Variants in ATRNL1 observed in about 807,000 individuals in gnomAD.
ATRNL1 encodes attractin-like protein 1.
ATRNL1 carries 95 observed loss-of-function variants against 182.7 expected under a neutral mutation model. The observed-to-expected ratio is 0.52, with a 90% CI of 0.44 to 0.62. The LOEUF is 0.62. Among genes scored for constraint, ATRNL1 ranks in the 20% least tolerant of loss-of-function variants. The pLI is 0.00. For synonymous variants in ATRNL1, 576 were observed against 568.3 expected (o/e 1.01, Z -0.19); for missense variants, 1,471 against 1,679.5 (o/e 0.88, Z 2.17).
intron 26 of ATRNL1, among the ~76,000 whole-genome samples, chr10:115,659,670 G>A (rs1432873711): frequency 3.3e-5 from 5 of 152,070 alleles, no homozygotes; most frequent in Non-Finnish European, 5.9e-5. Flanking sequence ...ATAGTGCTAT[G>A]GAACTTCATA....
intron 26 of ATRNL1, among the ~76,000 whole-genome samples, chr10:115,681,844 G>C (rs539882388): frequency 6.6e-6 from 1 of 152,180 alleles, no homozygotes; most frequent in East Asian, 1.9e-4. Context: ...ACTGCTCTTG[G>C]TTATATTGGT....
At chr10:115,595,106 C>T (rs1856154845) in intron 26 of ATRNL1, among the ~76,000 whole-genome samples, 1 of 152,142 alleles carries the variant, frequency 6.6e-6, no homozygotes, top group Non-Finnish European at 1.5e-5. Context: ...ACAGAAGATC[C>T]ACTAAGTCTC....
intron 13 of ATRNL1, among the ~76,000 whole-genome samples, chr10:115,278,223 G>A (rs1271581199): frequency 1.3e-5 from 2 of 152,144 alleles, no homozygotes; most frequent in Non-Finnish European, 2.9e-5. Context: ...TTCATTAGAT[G>A]GTGCCTGTTT....
chr10:115,519,296 C>A lies in ATRNL1; in HGVS notation c.3688C>A (p.Leu1230Ile). Residue 1230 changes from leucine to isoleucine, a missense_variant, in exon 25 of 29, where the codon CTT becomes ATT. Coordinates refer to ENST00000355044, the MANE Select transcript of ATRNL1 (RefSeq NM_207303.4). Reference sequence around the variant, plus strand: ...CTCACAACACAATACAATCATGGACCTTGTGCAGTTTTTTGTCACCTTCTT... The same window carrying A: ...CTCACAACACAATACAATCATGGACATTGTGCAGTTTTTTGTCACCTTCTT... ...AFSQHNTIMD[L>I]VQFFVTFFSC... is the part of the protein sequence containing the mutation. 6.2e-7 allele frequency: 1 copy of A among 1,610,212 alleles called. No homozygotes were observed. Among genetic ancestry groups the A allele is most frequent in the Non-Finnish European group, 8.5e-7 (1 of 1,178,516 alleles).
At chr10:115,593,567 A>G (rs1856042134) in intron 26 of ATRNL1, among the ~76,000 whole-genome samples, 1 of 152,162 alleles carries the variant, frequency 6.6e-6, no homozygotes, top group African/African-American at 2.4e-5. Flanking sequence ...CTGGACTCTT[A>G]TTTTATCACT....
Position 115,519,467 on chromosome 10 carries a change from A to G in ATRNL1, c.3716+143A>G, listed in dbSNP as rs1379494282. 1.8e-5 allele frequency: 12 copies of G among 684,386 alleles called. No homozygotes were observed. In the African/African-American group the frequency reaches 1.9e-4, roughly 11 times the overall value. The allele number at this position is 684,386 out of a possible 1,614,324, so 42.4% of individuals were successfully genotyped here. On this transcript the variant is annotated intron_variant, in intron 25 of 28. Coordinates refer to ENST00000355044, the MANE Select transcript of ATRNL1 (RefSeq NM_207303.4). The stretch of plus-strand genomic sequence containing the variant: ...TGAATAGCTTTATATGCTTAAATAT[A>G]TCCCACAGAGGAGAGGTAACATAGC...
chr10:115,719,853 C>A (rs1428992379), intron 26 of ATRNL1, among the ~76,000 whole-genome samples: 2 of 145,982 alleles, frequency 1.4e-5, no homozygotes, highest in African/African-American at 5.0e-5. Flanking sequence ...TCCACCCCCC[C>A]ACACACTCTT....
chr10:115,408,228 C>T (rs563729177), intron 20 of ATRNL1, among the ~76,000 whole-genome samples: 3 of 151,848 alleles, frequency 2.0e-5, no homozygotes, highest in East Asian at 1.9e-4. Flanking sequence ...TGGTCTCGAT[C>T]TCCTGACCTC....
intron 25 of ATRNL1, among the ~76,000 whole-genome samples, chr10:115,527,420 C>A (rs1375436926): frequency 6.6e-6 from 1 of 152,098 alleles, no homozygotes; most frequent in African/African-American, 2.4e-5. Context: ...TGTCCCCAGC[C>A]AGAGAAGTAT....
intron 21 of ATRNL1, among the ~76,000 whole-genome samples, chr10:115,444,421 C>T (rs1846855990): frequency 6.6e-6 from 1 of 151,916 alleles, no homozygotes; most frequent in Non-Finnish European, 1.5e-5. Flanking sequence ...TATCTGGCTA[C>T]ATTACTGAAT....
chr10:115,464,239 A>T (rs1847947204), intron 22 of ATRNL1, among the ~76,000 whole-genome samples: 1 of 152,040 alleles, frequency 6.6e-6, no homozygotes, highest in Non-Finnish European at 1.5e-5. Context: ...ACCTGGGAAT[A>T]ATCTCTGAAA....
intron 20 of ATRNL1, among the ~76,000 whole-genome samples, chr10:115,399,277 T>C (rs1414969886): frequency 2.6e-5 from 4 of 151,836 alleles, no homozygotes; most frequent in Admixed American, 6.6e-5. Flanking sequence ...GTATATCTGG[T>C]AGAATTCATC....
intron 27 of ATRNL1, among the ~76,000 whole-genome samples, chr10:115,751,064 T>C (rs141890937): frequency 6.6e-6 from 1 of 152,072 alleles, no homozygotes; most frequent in East Asian, 1.9e-4. Flanking sequence ...AGATGAAGAT[T>C]ATCCTGGATT....
intron 5 of ATRNL1, among the ~76,000 whole-genome samples, chr10:115,153,775 T>G (rs1846364686): frequency 6.6e-6 from 1 of 152,198 alleles, no homozygotes; most frequent in Admixed American, 6.5e-5. Context: ...TGAATGTGTT[T>G]GCTCTTGCTT....
At chr10:115,154,862 C>T (rs1317940237) in intron 5 of ATRNL1, among the ~76,000 whole-genome samples, 1 of 152,160 alleles carries the variant, frequency 6.6e-6, no homozygotes. Flanking sequence ...AAGACAGGCA[C>T]TCTTAGACTG....
intron 3 of ATRNL1, 85 bp from the exon 4 acceptor site, chr10:115,127,508 G>T (rs1409817405): frequency 7.0e-6 from 8 of 1,142,422 alleles, no homozygotes; most frequent in Non-Finnish European, 9.8e-6. Context: ...ACTGATCCTG[G>T]TAAGAATATT....
chr10:115,296,167 T>G (rs1363238866), intron 15 of ATRNL1, among the ~76,000 whole-genome samples: 1 of 152,152 alleles, frequency 6.6e-6, no homozygotes, highest in East Asian at 1.9e-4. Context: ...TCCTTACCTA[T>G]TCCCTATAAC....
intron 9 of ATRNL1, among the ~76,000 whole-genome samples, chr10:115,230,242 A>G (rs1202165093): frequency 3.3e-5 from 5 of 152,226 alleles, no homozygotes; most frequent in African/African-American, 4.8e-5. Flanking sequence ...TGTATTTTAA[A>G]TGATAATAAG....
chr10:115,903,265 A>G (rs1952408051), intron 28 of ATRNL1, among the ~76,000 whole-genome samples: 1 of 152,152 alleles, frequency 6.6e-6, no homozygotes, highest in Non-Finnish European at 1.5e-5. Context: ...ACCCTTTGAA[A>G]ATGTACTTCA....
Sources: gnomAD v4.1 joint callset for allele counts (sites outside exome capture counted in the v4.1 genomes callset) on GRCh38, gnomAD v4.1.1 for gene constraint, MANE v1.5 for transcripts, NCBI Gene and HGNC (gene_info 2026-07-23, HGNC 2026-07-21) for gene names.